MAGI2: variants seen among roughly 807,000 people sequenced by gnomAD.
MAGI2 encodes the protein membrane associated guanylate kinase, WW and PDZ domain containing 2, also known as membrane-associated guanylate kinase, WW and PDZ domain-containing protein 2.
MAGI2 carries 35 observed loss-of-function variants against 133.3 expected under a neutral mutation model. The ratio of observed to expected loss-of-function variants is 0.26; its 90% CI spans 0.20 to 0.35. The LOEUF (loss-of-function observed/expected upper bound fraction) is 0.35, where lower values mean the gene tolerates loss of function less well. Ranked by LOEUF, MAGI2 falls within the 10% of genes least tolerant of loss-of-function variation. The probability of loss-of-function intolerance (pLI) is 1.00; values close to 1 mark genes in which losing one functional copy is unlikely to be tolerated. For missense variants in MAGI2, 1,636 were observed against 1,863.4 expected, an observed-to-expected ratio of 0.88 and a Z score of 2.25; for synonymous variants, 729 against 710.6, an observed-to-expected ratio of 1.03 and a Z score of -0.41.
intron 2 of MAGI2, among the ~76,000 whole-genome samples, chr7:78,678,523 C>T (rs930604258): frequency 1.3e-5 from 2 of 152,052 alleles, no homozygotes; most frequent in African/African-American, 2.4e-5. Context: ...TTAGTCAACC[C>T]CCTTCCTTCT....
intron 1 of MAGI2, among the ~76,000 whole-genome samples, chr7:79,448,534 G>T (rs1434263854): frequency 6.6e-6 from 1 of 152,020 alleles, no homozygotes; most frequent in Admixed American, 6.5e-5. Context: ...TTCTTAAGGT[G>T]CCATTACTAC....
At chr7:78,807,603 G>A (rs1045022009) in intron 2 of MAGI2, among the ~76,000 whole-genome samples, 8 of 152,022 alleles carry the variant, frequency 5.3e-5, no homozygotes, top group Admixed American at 3.9e-4. Flanking sequence ...CACTATTCTG[G>A]GAGTTGAGTA....
At chr7:78,359,041 G>A (rs1006078163) in intron 7 of MAGI2, 1 of 152,398 alleles carries the variant, frequency 6.6e-6, no homozygotes, top group African/African-American at 2.4e-5. Context: ...TTAAGCTGGG[G>A]GCAAGGGAAG....
chr7:78,949,705 A>G (rs1017758273), intron 2 of MAGI2, among the ~76,000 whole-genome samples: 3 of 152,186 alleles, frequency 2.0e-5, no homozygotes, highest in African/African-American at 7.2e-5. Context: ...ATCTAATTTC[A>G]TTTCATTGTT....
At chr7:78,041,479 C>A (rs141546457) in intron 21 of MAGI2, among the ~76,000 whole-genome samples, 97 of 152,154 alleles carry the variant, frequency 6.4e-4, no homozygotes, top group Non-Finnish European at 1.2e-3. Context: ...AGTTTGAGAC[C>A]ACCCTGGGCA....
chr7:79,371,447 G>A (rs1046752649), intron 1 of MAGI2, among the ~76,000 whole-genome samples: 31 of 151,930 alleles, frequency 2.0e-4, no homozygotes, highest in Non-Finnish European at 3.7e-4. Flanking sequence ...CTACATATAT[G>A]ATAGTGGTCT....
At chr7:78,655,404 A>T (rs1812070994) in intron 2 of MAGI2, among the ~76,000 whole-genome samples, 2 of 149,918 alleles carry the variant, frequency 1.3e-5, no homozygotes, top group South Asian at 4.2e-4. Context: ...GGCTTATACA[A>T]AAAACAAAAC....
chr7:78,301,061 T>C (rs1357221761), intron 9 of MAGI2, among the ~76,000 whole-genome samples: 3 of 152,150 alleles, frequency 2.0e-5, no homozygotes, highest in Non-Finnish European at 4.4e-5. Context: ...GAAGACATTA[T>C]ACAATGAGTG....
At chr7:78,214,980 A>G (rs1199357677) in intron 10 of MAGI2, among the ~76,000 whole-genome samples, 4 of 152,220 alleles carry the variant, frequency 2.6e-5, no homozygotes, top group Non-Finnish European at 2.9e-5. Context: ...CACAGCTTGC[A>G]TCACAGTCCA....
chr7:78,193,931 A>T (rs1169834507), intron 12 of MAGI2, among the ~76,000 whole-genome samples: 1 of 152,204 alleles, frequency 6.6e-6, no homozygotes, highest in East Asian at 1.9e-4. Context: ...CATAATTCTC[A>T]GCCCCTGAGC....
At chr7:78,945,273 G>A (rs1440068363) in intron 2 of MAGI2, among the ~76,000 whole-genome samples, 1 of 152,042 alleles carries the variant, frequency 6.6e-6, no homozygotes, top group Non-Finnish European at 1.5e-5. Flanking sequence ...TGTTGGCCAG[G>A]CTGGTCTCAA....
At chr7:79,328,588 C>T (rs901654156) in intron 1 of MAGI2, among the ~76,000 whole-genome samples, 2 of 152,150 alleles carry the variant, frequency 1.3e-5, no homozygotes, top group African/African-American at 4.8e-5. Context: ...GCTCCACAGA[C>T]ACTGGAGTCA....
At chr7:78,985,850 G>T (rs906840176) in intron 2 of MAGI2, among the ~76,000 whole-genome samples, 5 of 152,022 alleles carry the variant, frequency 3.3e-5, no homozygotes, top group African/African-American at 1.2e-4. Context: ...ATATGTATTT[G>T]CCTTTAATTT....
At chr7:78,828,761 T>C (rs745318480) in intron 2 of MAGI2, among the ~76,000 whole-genome samples, 1 of 152,166 alleles carries the variant, frequency 6.6e-6, no homozygotes, top group Non-Finnish European at 1.5e-5. Flanking sequence ...CTCTGTACTA[T>C]CTTCGTAAAT....
At chr7:78,735,637 A>C (rs1353967024) in intron 2 of MAGI2, among the ~76,000 whole-genome samples, 2 of 152,222 alleles carry the variant, frequency 1.3e-5, no homozygotes, top group Non-Finnish European at 2.9e-5. Flanking sequence ...ATTGTCACTG[A>C]TGAGTGCCTT....
chr7:78,820,459 G>C (rs1241772512), intron 2 of MAGI2, among the ~76,000 whole-genome samples: 2 of 151,754 alleles, frequency 1.3e-5, no homozygotes, highest in Admixed American at 1.3e-4. Context: ...AAAGAGAGGA[G>C]TGATTTTAAA....
intron 1 of MAGI2, among the ~76,000 whole-genome samples, chr7:79,339,780 C>A (rs1432486983): frequency 6.6e-6 from 1 of 152,048 alleles, no homozygotes; most frequent in Non-Finnish European, 1.5e-5. Flanking sequence ...GACATGAAAT[C>A]CCTGGCTTAA....
At chr7:78,332,658 A>C (rs1789342987) in intron 9 of MAGI2, among the ~76,000 whole-genome samples, 1 of 148,462 alleles carries the variant, frequency 6.7e-6, no homozygotes, top group African/African-American at 2.5e-5. Flanking sequence ...AGATCGCGCC[A>C]CTGCACGCTA....
intron 1 of MAGI2, among the ~76,000 whole-genome samples, chr7:79,187,651 A>G (rs1827283296): frequency 6.6e-6 from 1 of 151,938 alleles, no homozygotes; most frequent in Admixed American, 6.6e-5. Flanking sequence ...TTTTTACTTG[A>G]AAGAAAATAG....
Sources: gnomAD v4.1 joint callset for allele counts (sites outside exome capture counted in the v4.1 genomes callset) on GRCh38, gnomAD v4.1.1 for gene constraint, MANE v1.5 for transcripts, NCBI Gene and HGNC (gene_info 2026-07-23, HGNC 2026-07-21) for gene names.